CC2D1A: variants seen among roughly 807,000 people sequenced by gnomAD.
CC2D1A encodes coiled-coil and C2 domain containing 1A.
Under a neutral mutation model 123.8 loss-of-function variants are expected in CC2D1A, and 68 were observed. The ratio of observed to expected loss-of-function variants is 0.55; its 90% CI spans 0.45 to 0.67. The LOEUF (loss-of-function observed/expected upper bound fraction) is 0.67. Ranked by LOEUF, CC2D1A falls within the 30% of genes least tolerant of loss-of-function variation. The pLI is 0.00. For missense variants in CC2D1A, 1,185 were observed against 1,290.3 expected, an observed-to-expected ratio of 0.92 and a Z score of 1.25; for synonymous variants, 477 against 528.0, an observed-to-expected ratio of 0.90 and a Z score of 1.32.
chr19:13,930,530 C>T lies in CC2D1A; in HGVS notation c.*135C>T. ...CTGGACTCACCCCTCATCCGGGCCC[C>T]CAGCCCCGCCAGAGCCTCCGTGGCT... On this transcript the variant is annotated 3_prime_UTR_variant, in exon 29 of 29. Transcript: ENST00000318003. The surrounding 1 kb of genome is among the most constrained non-coding windows in gnomAD (Gnocchi z 6.8). 4.0e-6 allele frequency: 4 copies of T among 995,366 alleles called. No individual in the cohort carries two copies. Among genetic ancestry groups the T allele is most frequent in the Non-Finnish European group, 5.7e-6 (4 of 696,342 alleles). 61.7% of individuals were successfully genotyped at this position (995,366 alleles called of 1,614,324 possible). A position where few individuals can be genotyped will look rare whatever the true frequency, so the allele number is the denominator to read the frequency against.
intron 11 of CC2D1A, 30 bp from the exon 12 acceptor site, chr19:13,919,788 A>T: frequency 6.4e-7 from 1 of 1,566,866 alleles, no homozygotes; most frequent in Non-Finnish European, 8.7e-7. Context: ...ATCCTGACAC[A>T]CAATAACCAG....
intron 6 of CC2D1A, 127 bp from the exon 7 acceptor site, chr19:13,917,943 C>G: frequency 1.0e-6 from 1 of 990,550 alleles, no homozygotes; most frequent in South Asian, 2.0e-5. Flanking sequence ...TGTACCCCAG[C>G]ATGGGCAACA....
intron 4 of CC2D1A, among the ~76,000 whole-genome samples, chr19:13,912,957 T>G (rs1971055641): frequency 6.6e-6 from 1 of 152,208 alleles, no homozygotes; most frequent in Non-Finnish European, 1.5e-5. Context: ...ACCCTTATCC[T>G]TCACAGCCAT....
intron 17 of CC2D1A, among the ~76,000 whole-genome samples, chr19:13,925,998 G>A (rs1323272884): frequency 0.017 from 1,915 of 114,376 alleles, 132 homozygotes; most frequent in African/African-American, 0.093. Flanking sequence ...ACATATATGT[G>A]TGTATATATA....
Position 13,908,264 on chromosome 19 carries a change from C to T in CC2D1A, c.61-1559C>T, listed in dbSNP as rs557618416. 2.7e-3 allele frequency among the ~76,000 whole-genome samples: 404 copies of T among 152,238 alleles called. 1 individual carries two copies. The highest frequency in any genetic ancestry group is 9.4e-3 in the African/African-American group (392 of 41,536). On this transcript the variant is annotated intron_variant, in intron 1 of 28. Coordinates refer to ENST00000318003, the MANE Select transcript of CC2D1A (RefSeq NM_017721.5). Reference sequence around the variant, plus strand: ...ATCTCAGGTGACCCGCCTGCCTCGGCCTCCCAAAGTGCTGGGGTTACAGGC... The same window carrying T: ...ATCTCAGGTGACCCGCCTGCCTCGGTCTCCCAAAGTGCTGGGGTTACAGGC...
chr19:13,917,452 A>G (rs1406500120), intron 6 of CC2D1A, among the ~76,000 whole-genome samples: 2 of 152,170 alleles, frequency 1.3e-5, no homozygotes, highest in Non-Finnish European at 2.9e-5. Context: ...TTAAAAAAAA[A>G]TACATTAAAT....
chr19:13,926,038 A>G lies in CC2D1A; in HGVS notation c.1941-479A>G, dbSNP rs1001176176. Among the ~76,000 whole-genome samples the G allele has an allele frequency of 9.9e-4, 89 of 90,164 alleles. 1 individual carries two copies. Among genetic ancestry groups the G allele is most frequent in the South Asian group, 6.6e-3 (18 of 2,718 alleles). 59.2% of individuals were successfully genotyped at this position (90,164 alleles called of 152,430 possible). On this transcript the variant is annotated intron_variant, in intron 17 of 28. Coordinates refer to ENST00000318003, the MANE Select transcript of CC2D1A (RefSeq NM_017721.5). ...TACGTATATATATGTGTATATATAT[A>G]TATATACACGTATATATATGTATAT...
In CC2D1A at chr19:13,923,230, T is replaced by C; in HGVS notation, c.1642-103T>C. ...AGACCAGAGAAGGGTGACAGAGCCG[T>C]GGTCAGGGAATGCCCCTCGTCAAGG... On this transcript the variant is annotated intron_variant, in intron 14 of 28. Transcript: ENST00000318003. The surrounding 1 kb of genome is among the most constrained non-coding windows in gnomAD (Gnocchi z 5.3). 7.3e-7 allele frequency: 1 copy of C among 1,366,052 alleles called. No homozygotes were observed. Among genetic ancestry groups the C allele is most frequent in the Non-Finnish European group, 9.9e-7 (1 of 1,014,500 alleles). 84.6% of individuals were successfully genotyped at this position (1,366,052 alleles called of 1,614,324 possible). A position where few individuals can be genotyped will look rare whatever the true frequency, so the allele number is the denominator to read the frequency against.
At chr19:13,924,516 C>T (rs541568450) in intron 17 of CC2D1A, among the ~76,000 whole-genome samples, 5 of 152,100 alleles carry the variant, frequency 3.3e-5, no homozygotes, top group South Asian at 2.1e-4. Flanking sequence ...GTCACCCAGG[C>T]GGGAGTACAG....
intron 24 of CC2D1A, among the ~76,000 whole-genome samples, chr19:13,928,668 G>A (rs571727589): frequency 2.6e-4 from 39 of 150,930 alleles, no homozygotes; most frequent in African/African-American, 7.6e-4. Context: ...GGTGGTTCTC[G>A]GCTGTCTCCC....
chr19:13,925,932 A>AT (rs1483328948), intron 17 of CC2D1A, among the ~76,000 whole-genome samples: 115 of 103,248 alleles, frequency 1.1e-3, no homozygotes, highest in East Asian at 3.5e-3. Flanking sequence ...AAAAAAAAAA[A>AT]AATATATATA....
At position 13,927,897 on chromosome 19, in the gene CC2D1A, T is replaced by C; in HGVS notation, c.2321T>C (p.Leu774Pro). 6.2e-7 allele frequency: 1 copy of C among 1,613,034 alleles called. No individual in the cohort carries two copies. The highest frequency in any genetic ancestry group is 8.5e-7 in the Non-Finnish European group (1 of 1,179,896). The change falls in exon 23 of 29, where the codon CTG becomes CCG. Residue 774 changes from leucine to proline, a missense_variant. Leu to Pro is a moderately conservative substitution (Grantham distance 98). Coordinates refer to ENST00000318003, the MANE Select transcript of CC2D1A (RefSeq NM_017721.5). The part of the protein sequence containing the change: ...ACEVREILEV[L>P]DGRRPTGGRL... ...TTTCTCCTTACCCCCACCCAGGTCC[T>C]GGATGGTCGCCGGCCCACAGGGGGG...
At chr19:13,920,260 TAA>T (rs565445596) in intron 12 of CC2D1A, 2,696 of 409,526 alleles carry the variant, frequency 6.6e-3, no homozygotes, top group East Asian at 8.7e-3. Flanking sequence ...CCAAGACAAT[TAA>T]AAAAAAAAAA....
In CC2D1A at chr19:13,918,051, A is replaced by G. The variant is rs1971269377; in HGVS notation, c.749-19A>G. 1 of 1,612,650 alleles carries G rather than the reference A, an allele frequency of 6.2e-7. No individual in the cohort carries two copies. The highest frequency in any genetic ancestry group is 2.2e-5 in the East Asian group (1 of 44,822). On this transcript the variant is annotated intron_variant, in intron 6 of 28. Transcript: ENST00000318003. Reference sequence around the variant, plus strand: ...GGCCCAGGCCCTGGAGGCTTCCTGTATGTTGTTCTCCCTTCCAGGTCCCTG... The same window carrying G: ...GGCCCAGGCCCTGGAGGCTTCCTGTGTGTTGTTCTCCCTTCCAGGTCCCTG...
Position 13,918,191 on chromosome 19 carries a change from T to C in CC2D1A, c.870T>C (p.Ala290=), listed in dbSNP as rs771476878. The change falls in exon 7 of 29, where the codon GCT becomes GCC. Residue 290 remains alanine, a synonymous_variant. Coordinates refer to ENST00000318003, the MANE Select transcript of CC2D1A (RefSeq NM_017721.5). The stretch of plus-strand genomic sequence containing the variant: ...CTGCCGCTAGACACTTCCGCGTGGC[T>C]AAGGTGCGTCCAGCCTGACGGACAG... ...TTAAARHFRV[A]KSFDAVLEAL... The C allele has an allele frequency of 5.7e-6, 9 of 1,584,026 alleles. No individual in the cohort carries two copies. Among genetic ancestry groups the C allele is most frequent in the Non-Finnish European group, 7.7e-6 (9 of 1,164,694 alleles).
rs1307485638 is a variant in CC2D1A, at chr19:13,906,631, C to A, written c.60+130C>A. The A allele has an allele frequency of 1.1e-5, 6 of 554,914 alleles. No homozygotes were observed. Among genetic ancestry groups the A allele is most frequent in the South Asian group, 7.3e-5 (3 of 40,958 alleles). 34.4% of individuals were successfully genotyped at this position (554,914 alleles called of 1,614,324 possible). A position where few individuals can be genotyped will look rare whatever the true frequency, so the allele number is the denominator to read the frequency against. ...GTAAGCCCCGGTCCCCGCCTCCCCCCAGGTGAGGCTCCAACACCACCCAAG... is the reference window on the plus strand; with the variant it reads ...GTAAGCCCCGGTCCCCGCCTCCCCCAAGGTGAGGCTCCAACACCACCCAAG... On this transcript the variant is annotated intron_variant, in intron 1 of 28. Transcript: ENST00000318003. This position sits in a 1 kb window ranked among gnomAD's most constrained non-coding sequence, Gnocchi z 4.1.
intron 24 of CC2D1A, 42 bp from the exon 25 acceptor site, chr19:13,929,337 G>T (rs1423862586): frequency 6.3e-7 from 1 of 1,597,690 alleles, no homozygotes; most frequent in South Asian, 1.1e-5. Context: ...GGGTTGGGCT[G>T]GGGGAATCTC....
At chr19:13,911,430 T>A (rs1046573089) in intron 2 of CC2D1A, among the ~76,000 whole-genome samples, 2 of 152,082 alleles carry the variant, frequency 1.3e-5, no homozygotes, top group Non-Finnish European at 2.9e-5. Flanking sequence ...ACTGTTGTCA[T>A]CCCCGTGTCA....
Position 13,913,223 on chromosome 19 carries a change from C to T in CC2D1A, c.434C>T (p.Ala145Val), listed in dbSNP as rs201408291. 1.3e-5 allele frequency: 21 copies of T among 1,612,190 alleles called. No individual in the cohort carries two copies. Among genetic ancestry groups the T allele is most frequent in the Middle Eastern group, 1.6e-4 (1 of 6,072 alleles). ...GLETTLQERL[A>V]LYQTAIESAR... ...GAGACCACCTTGCAGGAGAGGCTGGCGCTCTATCAGACAGCAATTGAAAGC... is the reference window on the plus strand; with the variant it reads ...GAGACCACCTTGCAGGAGAGGCTGGTGCTCTATCAGACAGCAATTGAAAGC... Residue 145 changes from alanine (A) to valine (V), a missense_variant, in exon 5 of 29, where the codon GCG (alanine) becomes GTG (valine). Ala to Val is a moderately conservative substitution (Grantham distance 64, BLOSUM62 0). Transcript: ENST00000318003.
Sources: gnomAD v4.1 joint callset for allele counts (sites outside exome capture counted in the v4.1 genomes callset) on GRCh38, gnomAD v4.1.1 for gene constraint, Gnocchi (gnomAD v3.1) non-coding constraint, MANE v1.5 for transcripts, NCBI Gene and HGNC (gene_info 2026-07-23, HGNC 2026-07-21) for gene names.